ZNF500: variants seen among roughly 807,000 people sequenced by gnomAD.
ZNF500 encodes the protein zinc finger protein 500, also known as zinc finger protein with KRAB and SCAN domains 18.
ZNF500 carries 31 observed loss-of-function variants against 30.1 expected under a neutral mutation model. The observed-to-expected ratio is 1.03, with a 90% CI of 0.77 to 1.39. The LOEUF (loss-of-function observed/expected upper bound fraction) is 1.39, where lower values mean the gene tolerates loss of function less well. ZNF500 is among the 40% of genes most tolerant of loss of function. The pLI is 0.00. For synonymous variants in ZNF500, 392 were observed against 282.0 expected (o/e 1.39, Z -3.91); for missense variants, 817 against 657.8 (o/e 1.24, Z -2.65).
chr16:4,753,743 G>A (rs2082108916), intron 5 of ZNF500, among the ~76,000 whole-genome samples: 1 of 152,212 alleles, frequency 6.6e-6, no homozygotes, highest in Admixed American at 6.5e-5. Flanking sequence ...GGCCTCTAGT[G>A]GGCAGGGGCC....
intron 5 of ZNF500, among the ~76,000 whole-genome samples, chr16:4,759,211 T>C (rs1284116531): frequency 5.0e-5 from 7 of 140,760 alleles, no homozygotes; most frequent in Non-Finnish European, 7.5e-5. Flanking sequence ...CAAGACTTCA[T>C]CTCAAAAAAA....
intron 2 of ZNF500, among the ~76,000 whole-genome samples, chr16:4,764,669 C>G (rs2082243049): frequency 6.6e-6 from 1 of 151,348 alleles, no homozygotes; most frequent in Non-Finnish European, 1.5e-5. Flanking sequence ...GTAGTCCCAG[C>G]TGCTGAGGAG....
rs1236762116 is a variant in ZNF500 at position 4,760,565 on chromosome 16, C to T, written c.687G>A (p.Val229=). The T allele has an allele frequency of 1.2e-6, 2 of 1,613,568 alleles. No individual in the cohort carries two copies. The highest frequency in any genetic ancestry group is 1.1e-5 in the South Asian group (1 of 90,910). The change falls in exon 5 of 6, where the codon GTG becomes GTA. Residue 229 remains valine (V), a synonymous_variant. Transcript: ENST00000219478. ...WSQVPVNLED[V]AVYLSGEEPR... ...GCTCCTCCCCAGAAAGGTATACAGC[C>T]ACGTCCTCCAAGTTCACGGGCACCT...
At position 4,762,934 on chromosome 16, in the gene ZNF500, T is replaced by A. The variant is rs946735302; in HGVS notation, c.415-178A>T. 1.3e-5 allele frequency: 13 copies of A among 985,380 alleles called. No individual in the cohort carries two copies. The South Asian group carries it at 5.2e-4, about 39-fold the overall frequency. The allele number at this position is 985,380 out of a possible 1,614,324, so 61.0% of individuals were successfully genotyped here. On this transcript the variant is annotated intron_variant, in intron 2 of 5. Transcript: ENST00000219478. Reference sequence around the variant, plus strand: ...TGTTCCCTGCAGCCAGCTCCCAGCCTGCTCTACTCCATGGTCTCTCCCTGT... The same window carrying A: ...TGTTCCCTGCAGCCAGCTCCCAGCCAGCTCTACTCCATGGTCTCTCCCTGT...
chr16:4,762,355 C>T lies in ZNF500; in HGVS notation c.599-20G>A, dbSNP rs1567535491. 1.3e-6 allele frequency: 2 copies of T among 1,595,600 alleles called. No homozygotes were observed. Among genetic ancestry groups the T allele is most frequent in the African/African-American group, 1.3e-5 (1 of 74,608 alleles). Reference sequence around the variant, plus strand: ...GAGGGCCTGGGAAGGAGCAGAGTCACCACCAGTCACACAGCTCACCCAGTA... The same window carrying T: ...GAGGGCCTGGGAAGGAGCAGAGTCATCACCAGTCACACAGCTCACCCAGTA... On this transcript the variant is annotated intron_variant, in intron 3 of 5. Transcript: ENST00000219478.
At chr16:4,760,761 C>T (rs1259785406) in intron 4 of ZNF500, among the ~76,000 whole-genome samples, 173 bp from the exon 5 acceptor site, 1 of 152,220 alleles carries the variant, frequency 6.6e-6, no homozygotes, top group East Asian at 1.9e-4. Flanking sequence ...GTGTCTCCGC[C>T]CACTGCTCCC....
Position 4,751,965 on chromosome 16 carries a change from C to T in ZNF500, c.*411G>A. ...TACACACAGAGACAGCGCACAGGGT[C>T]ACAGACACACAGGAGAGGGGTTGGG... On this transcript the variant is annotated 3_prime_UTR_variant, in exon 6 of 6. Coordinates refer to ENST00000219478, the MANE Select transcript of ZNF500 (RefSeq NM_021646.4). 1 of 800,962 alleles carries T rather than the reference C, an allele frequency of 1.2e-6. No homozygotes were observed. The highest frequency in any genetic ancestry group is 1.7e-6 in the Non-Finnish European group (1 of 575,812). The allele number at this position is 800,962 out of a possible 1,614,324, so 49.6% of individuals were successfully genotyped here.
rs1016857836 is a variant in ZNF500, at chr16:4,752,278, G to A, written c.*98C>T. 102 of 1,429,452 alleles carry A rather than the reference G, an allele frequency of 7.1e-5. No individual in the cohort carries two copies. Among genetic ancestry groups the A allele is most frequent in the East Asian group, 3.3e-4 (13 of 39,892 alleles). 88.5% of individuals were successfully genotyped at this position (1,429,452 alleles called of 1,614,324 possible). A position where few individuals can be genotyped will look rare whatever the true frequency, so the allele number is the denominator to read the frequency against. On this transcript the variant is annotated 3_prime_UTR_variant, in exon 6 of 6. Coordinates refer to ENST00000219478, the MANE Select transcript of ZNF500 (RefSeq NM_021646.4). ...CTCATACTGGGCCATGGGAGGAAAC[G>A]GGCAGCTGGCAATGCTTTCGGACCA...
downstream of ZNF500, chr16:4,747,533 C>A (rs955282421): frequency 5.0e-6 from 8 of 1,613,026 alleles, no homozygotes; most frequent in East Asian, 1.8e-4. Flanking sequence ...CGCCCAGGCT[C>A]GACTCCCAAG....
chr16:4,762,813 C>A, intron 2 of ZNF500, 57 bp from the exon 3 acceptor site: 1 of 1,530,936 alleles, frequency 6.5e-7, no homozygotes, highest in South Asian at 1.2e-5. Flanking sequence ...GGAAAAATCC[C>A]CGCAGGGCCC....
At chr16:4,766,667 T>C (rs1468040257) in intron 1 of ZNF500, among the ~76,000 whole-genome samples, 1 of 152,154 alleles carries the variant, frequency 6.6e-6, no homozygotes, top group East Asian at 1.9e-4. Context: ...AGAATCGTTA[T>C]TTTCCATGAT....
chr16:4,756,325 A>G (rs527433179), intron 5 of ZNF500: 1 of 152,218 alleles, frequency 6.6e-6, no homozygotes, highest in East Asian at 1.9e-4. Flanking sequence ...CTCTACTAAA[A>G]ATACAAAAAT....
At chr16:4,754,101 A>C (rs913844285) in intron 5 of ZNF500, among the ~76,000 whole-genome samples, 2 of 152,198 alleles carry the variant, frequency 1.3e-5, no homozygotes, top group African/African-American at 4.8e-5. Flanking sequence ...CACAAAGTGC[A>C]CTGGGGTGCC....
At position 4,765,762 on chromosome 16, in the gene ZNF500, C is replaced by T. The variant is rs781510656; in HGVS notation, c.217G>A (p.Glu73Lys). 6.2e-7 allele frequency: 1 copy of T among 1,613,046 alleles called. No homozygotes were observed. Among genetic ancestry groups the T allele is most frequent in the Non-Finnish European group, 8.5e-7 (1 of 1,179,902 alleles). The change falls in exon 2 of 6, where the codon GAG becomes AAG. Residue 73 changes from glutamate (E) to lysine (K), a missense_variant. Physicochemically the swap from Glu to Lys is moderately conservative, Grantham distance 56. Coordinates refer to ENST00000219478, the MANE Select transcript of ZNF500 (RefSeq NM_021646.4). ...GGCCGCAGCCAGCGGCAGCACAGCT[C>T]CCAGAGGCGGCTCAGGGCCTCCCGG... Reference protein sequence around the residue: ...GPREALSRLWELCCRWLRPEL... With the variant: ...GPREALSRLWKLCCRWLRPEL...
At chr16:4,760,773 T>C (rs990200331) in intron 4 of ZNF500, among the ~76,000 whole-genome samples, 185 bp from the exon 5 acceptor site, 1 of 152,164 alleles carries the variant, frequency 6.6e-6, no homozygotes, top group African/African-American at 2.4e-5. Context: ...ACTGCTCCCA[T>C]GTGCCACTGC....
In ZNF500 at chr16:4,749,288, T is replaced by G. The variant is rs2082056128; in HGVS notation, c.*3088A>C. 1 of 154,432 alleles carries G rather than the reference T, an allele frequency of 6.5e-6. No homozygotes were observed. The allele number at this position is 154,432 out of a possible 1,614,324, so 9.6% of individuals were successfully genotyped here. ...TGCCTAGCTGTCAAGAGCAAAGGCTTTTTTTTTCTTCAACCCCATTTTCTT... is the reference window on the plus strand; with the variant it reads ...TGCCTAGCTGTCAAGAGCAAAGGCTGTTTTTTTCTTCAACCCCATTTTCTT... On this transcript the variant is annotated 3_prime_UTR_variant, in exon 6 of 6. Transcript: ENST00000219478.
chr16:4,750,333 T>G lies in ZNF500; in HGVS notation c.*2043A>C, dbSNP rs375173654. On this transcript the variant is annotated 3_prime_UTR_variant, in exon 6 of 6. Coordinates refer to ENST00000219478, the MANE Select transcript of ZNF500 (RefSeq NM_021646.4). ...AGAAGCAATGACTTAAAAAAAAAATTGTTTATTTTATCTGAGACAGGATCT... is the reference window on the plus strand; with the variant it reads ...AGAAGCAATGACTTAAAAAAAAAATGGTTTATTTTATCTGAGACAGGATCT... 1.1e-4 allele frequency: 16 copies of G among 151,922 alleles called. No individual in the cohort carries two copies. The East Asian group carries it at 3.1e-3, about 29-fold the overall frequency. The allele number at this position is 151,922 out of a possible 1,614,324, so 9.4% of individuals were successfully genotyped here.
chr16:4,754,321 G>A (rs1239096081), intron 5 of ZNF500, among the ~76,000 whole-genome samples: 2 of 152,046 alleles, frequency 1.3e-5, no homozygotes, highest in East Asian at 1.9e-4. Flanking sequence ...CCAGATAGCC[G>A]AAGGTGGGTT....
Position 4,765,922 on chromosome 16 carries a change from C to G in ZNF500, c.57G>C (p.Gln19His). 1 of 1,609,182 alleles carries G rather than the reference C, an allele frequency of 6.2e-7. No individual in the cohort carries two copies. The highest frequency in any genetic ancestry group is 8.5e-7 in the Non-Finnish European group (1 of 1,178,036). Residue 19 changes from glutamine to histidine, a missense_variant, in exon 2 of 6, where the codon CAG becomes CAC. Transcript: ENST00000219478. ...PLPTLEQDLEQEEILIVKVEE... is the reference protein window; with the variant it reads ...PLPTLEQDLEHEEILIVKVEE... ...CCACCTTCACAATCAGGATCTCTTC[C>G]TGTTCCAGGTCCTGCTCCAAGGTTG...
Sources: gnomAD v4.1 joint callset for allele counts (sites outside exome capture counted in the v4.1 genomes callset) on GRCh38, gnomAD v4.1.1 for gene constraint, MANE v1.5 for transcripts, NCBI Gene and HGNC (gene_info 2026-07-23, HGNC 2026-07-21) for gene names.